The following GRID1 variants were observed in gnomAD, a reference collection of about 807,000 sequenced individuals.
GRID1 encodes glutamate receptor ionotropic, delta-1.
In GRID1, 28 loss-of-function variants were observed where a neutral mutation model predicts 98.0. The observed-to-expected ratio is 0.29, with a 90% CI of 0.21 to 0.39. The LOEUF is 0.39. GRID1 is among the 10% of genes least tolerant of loss of function. The pLI is 1.00. For missense variants in GRID1, 1,111 were observed against 1,340.5 expected, an observed-to-expected ratio of 0.83 and a Z score of 2.67; for synonymous variants, 553 against 538.5, an observed-to-expected ratio of 1.03 and a Z score of -0.37.
At chr10:85,942,170 G>T (rs1842003993) in intron 4 of GRID1, among the ~76,000 whole-genome samples, 1 of 152,212 alleles carries the variant, frequency 6.6e-6, no homozygotes, top group Admixed American at 6.5e-5. Context: ...TGGTCCAAGA[G>T]ACTTGGGTCC....
intron 4 of GRID1, among the ~76,000 whole-genome samples, chr10:86,032,472 C>G (rs1333859743): frequency 1.3e-5 from 2 of 152,222 alleles, no homozygotes; most frequent in African/African-American, 4.8e-5. Flanking sequence ...CCATTTTGTT[C>G]TGTACTAAGA....
chr10:85,832,407 A>G (rs1388264216), intron 8 of GRID1, among the ~76,000 whole-genome samples: 1 of 152,184 alleles, frequency 6.6e-6, no homozygotes, highest in African/African-American at 2.4e-5. Context: ...TTCTCCATGA[A>G]CATAAAGAAA....
chr10:85,933,310 A>AC (rs1305532991), intron 4 of GRID1, among the ~76,000 whole-genome samples: 2 of 144,046 alleles, frequency 1.4e-5, no homozygotes, highest in Non-Finnish European at 3.1e-5. Flanking sequence ...AAAAAAAAAA[A>AC]AACTTATTTT....
At chr10:85,941,310 A>G (rs1169619768) in intron 4 of GRID1, among the ~76,000 whole-genome samples, 1 of 152,184 alleles carries the variant, frequency 6.6e-6, no homozygotes, top group East Asian at 1.9e-4. Context: ...GCATGGGAAA[A>G]TGCTCATTAA....
At chr10:86,264,946 A>T (rs1847081544) in intron 2 of GRID1, among the ~76,000 whole-genome samples, 1 of 152,136 alleles carries the variant, frequency 6.6e-6, no homozygotes, top group Non-Finnish European at 1.5e-5. Flanking sequence ...GAACATAGCT[A>T]TCTGCCATCA....
intron 8 of GRID1, among the ~76,000 whole-genome samples, chr10:85,779,001 A>G (rs1443981446): frequency 6.6e-6 from 1 of 152,252 alleles, no homozygotes; most frequent in African/African-American, 2.4e-5. Context: ...AAGTCTGAGA[A>G]GCAGCCAAGC....
chr10:86,332,150 G>A (rs1848152385), intron 2 of GRID1, among the ~76,000 whole-genome samples: 1 of 152,188 alleles, frequency 6.6e-6, no homozygotes, highest in South Asian at 2.1e-4. Flanking sequence ...TGGCAGGGTG[G>A]GGCCCAGAGG....
chr10:85,906,975 C>T (rs1283018052), intron 5 of GRID1, among the ~76,000 whole-genome samples: 1 of 152,038 alleles, frequency 6.6e-6, no homozygotes, highest in Non-Finnish European at 1.5e-5. Context: ...AACCTCCAAT[C>T]AGACTGATCA....
At chr10:85,791,058 A>G (rs527791503) in intron 8 of GRID1, among the ~76,000 whole-genome samples, 1 of 152,246 alleles carries the variant, frequency 6.6e-6, no homozygotes, top group South Asian at 2.1e-4. Context: ...AGCGATGGCC[A>G]CCCATGGTGA....
intron 4 of GRID1, among the ~76,000 whole-genome samples, chr10:86,121,352 CCAT>C (rs1469635311): frequency 6.6e-6 from 1 of 150,388 alleles, no homozygotes; most frequent in East Asian, 2.0e-4. Flanking sequence ...ACTACCACCA[CCAT>C]CATCACCACC....
chr10:86,011,116 C>T (rs1054341337), intron 4 of GRID1, among the ~76,000 whole-genome samples: 2 of 144,040 alleles, frequency 1.4e-5, no homozygotes, highest in African/African-American at 2.5e-5. Context: ...ACTTAATAGC[C>T]GATTGCAATA....
At chr10:86,053,364 T>C (rs950625468) in intron 4 of GRID1, among the ~76,000 whole-genome samples, 1 of 115,260 alleles carries the variant, frequency 8.7e-6, no homozygotes, top group African/African-American at 2.6e-5. Context: ...TTTTGTTTTT[T>C]TGTTTTTTTT....
At chr10:85,675,717 A>G (rs770403981) in intron 12 of GRID1, among the ~76,000 whole-genome samples, 6 of 152,258 alleles carry the variant, frequency 3.9e-5, no homozygotes, top group Non-Finnish European at 7.3e-5. Flanking sequence ...TTCAATGTCC[A>G]GCAGGACCCC....
At chr10:86,207,472 C>G (rs1339153483) in intron 2 of GRID1, among the ~76,000 whole-genome samples, 1 of 152,136 alleles carries the variant, frequency 6.6e-6, no homozygotes. Flanking sequence ...CAAGAGGCGC[C>G]CCTTGTAGCC....
intron 13 of GRID1, 22 bp downstream of exon 13, chr10:85,647,180 C>G: frequency 6.2e-7 from 1 of 1,607,432 alleles, no homozygotes. Context: ...GTGCACGTGC[C>G]CAAGCGCCAG....
chr10:86,102,222 C>A (rs180790808), intron 4 of GRID1, among the ~76,000 whole-genome samples: 1 of 152,354 alleles, frequency 6.6e-6, no homozygotes, highest in African/African-American at 2.4e-5. Flanking sequence ...CTCAGAATGA[C>A]AAGCTGCATG....
intron 12 of GRID1, among the ~76,000 whole-genome samples, chr10:85,677,686 C>T (rs897159793): frequency 5.9e-5 from 9 of 152,178 alleles, no homozygotes; most frequent in Admixed American, 5.2e-4. Flanking sequence ...TTAGATGGGA[C>T]CTTCCCTGGA....
At chr10:85,897,198 T>C (rs930350002) in intron 5 of GRID1, among the ~76,000 whole-genome samples, 4 of 152,204 alleles carry the variant, frequency 2.6e-5, no homozygotes, top group Non-Finnish European at 5.9e-5. Flanking sequence ...AATTTTTCTC[T>C]GCTTTGCTTC....
intron 8 of GRID1, among the ~76,000 whole-genome samples, chr10:85,758,199 C>A (rs1289326043): frequency 1.3e-5 from 2 of 152,220 alleles, no homozygotes; most frequent in African/African-American, 2.4e-5. Flanking sequence ...AATCTATAAC[C>A]ATTTTAATTA....
Sources: allele counts gnomAD v4.1 joint callset (sites outside exome capture counted in the v4.1 genomes callset), GRCh38; gene constraint gnomAD v4.1.1; transcripts MANE v1.5; gene names NCBI Gene and HGNC (gene_info 2026-07-23, HGNC 2026-07-21).